The following IPCEF1 variants were observed in gnomAD, a reference collection of about 807,000 sequenced individuals.
IPCEF1 encodes interaction protein for cytohesin exchange factors 1.
In IPCEF1, 31 loss-of-function variants were observed where a neutral mutation model predicts 50.9. The observed-to-expected ratio is 0.61, with a 90% CI of 0.46 to 0.82. The LOEUF is 0.82. IPCEF1 is among the 40% of genes least tolerant of loss of function. IPCEF1 has a pLI of 0.00. For synonymous variants in IPCEF1, 181 were observed against 192.0 expected (o/e 0.94, Z 0.47); for missense variants, 458 against 514.0 (o/e 0.89, Z 1.05).
At chr6:154,189,757 T>C (rs1249207077) in intron 10 of IPCEF1, among the ~76,000 whole-genome samples, 1 of 151,832 alleles carries the variant, frequency 6.6e-6, no homozygotes, top group Non-Finnish European at 1.5e-5. Context: ...TCACCTGAGG[T>C]CAGGAGTTTG....
At chr6:154,313,740 T>C (rs1292865014) in intron 1 of IPCEF1, among the ~76,000 whole-genome samples, 1 of 152,036 alleles carries the variant, frequency 6.6e-6, no homozygotes, top group Non-Finnish European at 1.5e-5. Flanking sequence ...GTTCTTTTTT[T>C]TGTTTTGTTT....
intron 3 of IPCEF1, among the ~76,000 whole-genome samples, chr6:154,257,391 G>A (rs1277808531): frequency 6.6e-6 from 1 of 152,120 alleles, no homozygotes. Context: ...TCCAGACCAG[G>A]TGCCTATCCA....
intron 5 of IPCEF1, among the ~76,000 whole-genome samples, chr6:154,241,879 C>T (rs1017883028): frequency 2.0e-5 from 3 of 152,206 alleles, no homozygotes; most frequent in Non-Finnish European, 4.4e-5. Flanking sequence ...GTCTCAGTCC[C>T]CCATTCACTG....
chr6:154,205,412 T>C (rs1226075858), intron 9 of IPCEF1, among the ~76,000 whole-genome samples: 1 of 152,146 alleles, frequency 6.6e-6, no homozygotes, highest in Non-Finnish European at 1.5e-5. Context: ...CTGGTCAATA[T>C]GGTGAAACCC....
chr6:154,336,568 T>C (rs1332663084), intron 1 of IPCEF1, among the ~76,000 whole-genome samples: 1 of 152,142 alleles, frequency 6.6e-6, no homozygotes, highest in African/African-American at 2.4e-5. Context: ...GATACAAATA[T>C]ACAAACATAC....
At chr6:154,295,911 GCACACACA>G (rs58745478) in intron 1 of IPCEF1, among the ~76,000 whole-genome samples, 2,260 of 150,414 alleles carry the variant, frequency 0.015, 47 homozygotes, top group African/African-American at 0.047. Context: ...ACACACACAC[GCACACACA>G]CACACACACA....
chr6:154,261,045 G>A (rs992339584), intron 3 of IPCEF1, among the ~76,000 whole-genome samples: 1 of 152,126 alleles, frequency 6.6e-6, no homozygotes, highest in Non-Finnish European at 1.5e-5. Context: ...AGGCGTGTGT[G>A]TGCATGTGTG....
intron 11 of IPCEF1, among the ~76,000 whole-genome samples, chr6:154,161,959 C>T (rs1239494640): frequency 6.6e-6 from 1 of 152,162 alleles, no homozygotes; most frequent in Non-Finnish European, 1.5e-5. Flanking sequence ...CTCTTCTCAT[C>T]TCAAACCCCC....
intron 2 of IPCEF1, among the ~76,000 whole-genome samples, chr6:154,283,195 G>A (rs1265097490): frequency 2.6e-5 from 4 of 151,134 alleles, no homozygotes; most frequent in Admixed American, 2.0e-4. Context: ...AGGAGGCTGA[G>A]GCAGGAGAAT....
chr6:154,225,808 A>G (rs192326855), intron 5 of IPCEF1, among the ~76,000 whole-genome samples: 3 of 152,366 alleles, frequency 2.0e-5, no homozygotes, highest in Admixed American at 2.0e-4. Context: ...GTAAATTTCC[A>G]TAATTGAAAC....
chr6:154,342,851 G>T (rs1192613851), intron 1 of IPCEF1, among the ~76,000 whole-genome samples: 2 of 152,220 alleles, frequency 1.3e-5, no homozygotes, highest in Non-Finnish European at 2.9e-5. Context: ...GGTGGCTTAT[G>T]CCTGTAATCC....
chr6:154,242,356 TC>T (rs1305173176), intron 5 of IPCEF1, among the ~76,000 whole-genome samples: 2 of 152,194 alleles, frequency 1.3e-5, no homozygotes, highest in South Asian at 4.1e-4. Context: ...TCTGTCAAAA[TC>T]AGTCCTTACA....
chr6:154,280,878 T>C (rs1376414450), intron 2 of IPCEF1, among the ~76,000 whole-genome samples: 1 of 152,222 alleles, frequency 6.6e-6, no homozygotes, highest in Non-Finnish European at 1.5e-5. Context: ...GCATGTATGT[T>C]ATATTTCAAA....
At chr6:154,188,131 C>T (rs1801545382) in intron 10 of IPCEF1, among the ~76,000 whole-genome samples, 1 of 152,110 alleles carries the variant, frequency 6.6e-6, no homozygotes, top group Non-Finnish European at 1.5e-5. Flanking sequence ...GGATAAATTA[C>T]TAGAATTAAA....
chr6:154,247,356 G>T, intron 4 of IPCEF1, 93 bp downstream of exon 4: 6 of 995,664 alleles, frequency 6.0e-6, no homozygotes, highest in Middle Eastern at 2.1e-4. Flanking sequence ...CATTAAGACA[G>T]ACAGAAATCT....
Position 154,305,037 on chromosome 6 carries a change from C to T in IPCEF1, c.-61-15281G>A, listed in dbSNP as rs181871333. On this transcript the variant is annotated intron_variant, in intron 1 of 11. Coordinates refer to ENST00000367220, the MANE Select transcript of IPCEF1 (RefSeq NM_001130700.2). ...GCTGAGGCAGGAGAATCGCTTGAGC[C>T]CAGGAGGCGGAGGTTGCAGTGAGCT... Among the ~76,000 whole-genome samples, 28 of 152,060 alleles carry T rather than the reference C, an allele frequency of 1.8e-4. No individual in the cohort carries two copies. In the East Asian group the frequency reaches 5.2e-3, roughly 28 times the overall value.
At chr6:154,224,075 T>C (rs1324330331) in intron 5 of IPCEF1, among the ~76,000 whole-genome samples, 2 of 152,066 alleles carry the variant, frequency 1.3e-5, no homozygotes, top group African/African-American at 4.8e-5. Flanking sequence ...CCCATAGAAC[T>C]CAAATCTTCT....
intron 1 of IPCEF1, among the ~76,000 whole-genome samples, chr6:154,313,978 C>T (rs910264373): frequency 6.6e-6 from 1 of 151,970 alleles, no homozygotes; most frequent in African/African-American, 2.4e-5. Flanking sequence ...AAACTCCTGG[C>T]CTCAAGCAAT....
At chr6:154,246,209 T>C (rs2128642355) in intron 5 of IPCEF1, among the ~76,000 whole-genome samples, 1 of 152,224 alleles carries the variant, frequency 6.6e-6, no homozygotes, top group East Asian at 1.9e-4. Context: ...TGAAGCCGAG[T>C]CTCCTTTTAG....
Sources: allele counts gnomAD v4.1 joint callset (sites outside exome capture counted in the v4.1 genomes callset), GRCh38; gene constraint gnomAD v4.1.1; transcripts MANE v1.5; gene names NCBI Gene and HGNC (gene_info 2026-07-23, HGNC 2026-07-21).